CNTN4: variants seen among roughly 807,000 people sequenced by gnomAD.
The protein encoded by CNTN4 is contactin 4, also known as contactin-4.
A neutral mutation model predicts 122.5 loss-of-function variants in CNTN4; 77 were observed. The ratio of observed to expected loss-of-function variants is 0.63; its 90% CI spans 0.52 to 0.76. The LOEUF (loss-of-function observed/expected upper bound fraction) is 0.76, where lower values mean the gene tolerates loss of function less well. CNTN4 is among the 30% of genes least tolerant of loss of function. The probability of loss-of-function intolerance (pLI) is 0.00; values close to 1 mark genes in which losing one functional copy is unlikely to be tolerated. For synonymous variants in CNTN4, 512 were observed against 447.0 expected (o/e 1.15, Z -1.83); for missense variants, 1,256 against 1,259.1 (o/e 1.00, Z 0.04).
intron 3 of CNTN4, among the ~76,000 whole-genome samples, chr3:2,527,427 CTGCTGCTGTTGCTGTTATTGT>C (rs1198482760): frequency 6.6e-6 from 1 of 152,134 alleles, no homozygotes; most frequent in Non-Finnish European, 1.5e-5. Context: ...GCTGCTGCTG[CTGCTGCTGTTGCTGTTATTGT>C]TGCTGCGGTT....
chr3:2,260,736 T>A (rs1440042061), intron 2 of CNTN4, among the ~76,000 whole-genome samples: 7 of 150,812 alleles, frequency 4.6e-5, no homozygotes, highest in African/African-American at 1.2e-4. Flanking sequence ...TTATTTATTT[T>A]TTTTTTGAGA....
At chr3:2,912,572 A>G (rs2094312490) in intron 12 of CNTN4, among the ~76,000 whole-genome samples, 2 of 152,208 alleles carry the variant, frequency 1.3e-5, no homozygotes, top group Admixed American at 6.5e-5. Context: ...CACTTTTATA[A>G]AAATCTGGTA....
chr3:2,776,485 G>A (rs2091323107), intron 6 of CNTN4, among the ~76,000 whole-genome samples: 1 of 152,106 alleles, frequency 6.6e-6, no homozygotes, highest in Non-Finnish European at 1.5e-5. Flanking sequence ...CAGAAAGTCA[G>A]TAATTAAGAG....
intron 2 of CNTN4, among the ~76,000 whole-genome samples, chr3:2,168,538 G>C (rs188690942): frequency 1.3e-3 from 198 of 152,002 alleles, no homozygotes; most frequent in Non-Finnish European, 2.3e-3. Flanking sequence ...CATTTAACTC[G>C]AGAGGCTAGA....
chr3:2,413,961 C>G lies in CNTN4; in HGVS notation c.-89+74728C>G, dbSNP rs371503636. 6.6e-5 allele frequency among the ~76,000 whole-genome samples: 10 copies of G among 152,144 alleles called. No individual in the cohort carries two copies. The East Asian group carries it at 1.5e-3, about 23-fold the overall frequency. On this transcript the variant is annotated intron_variant, in intron 3 of 24. Transcript: ENST00000418658. ...TTGGTGCCAACAACTCAGTATTTAG[C>G]CTAATCCCTATTTCAGAATCCAGAG...
chr3:2,544,478 C>A (rs1469176015), intron 3 of CNTN4, among the ~76,000 whole-genome samples: 1 of 151,890 alleles, frequency 6.6e-6, no homozygotes, highest in East Asian at 1.9e-4. Context: ...TGATGGGATA[C>A]AAAAAATGTG....
chr3:2,282,543 A>T (rs1286201875), intron 2 of CNTN4, among the ~76,000 whole-genome samples: 2 of 152,096 alleles, frequency 1.3e-5, no homozygotes, highest in Non-Finnish European at 2.9e-5. Context: ...GATAATAATG[A>T]CTGACCCAAG....
intron 4 of CNTN4, among the ~76,000 whole-genome samples, chr3:2,613,467 A>ACAAAAAAC: frequency 6.6e-6 from 1 of 152,114 alleles, no homozygotes; most frequent in Non-Finnish European, 1.5e-5. Flanking sequence ...GAGATTAAAT[A>ACAAAAAAC]TTGATTAGGT....
At chr3:2,197,145 G>A (rs1340481997) in intron 2 of CNTN4, among the ~76,000 whole-genome samples, 4 of 151,638 alleles carry the variant, frequency 2.6e-5, no homozygotes, top group East Asian at 1.9e-4. Context: ...AAGTTATAGC[G>A]ACTATTAAGG....
chr3:2,563,981 T>A (rs1176223443), intron 3 of CNTN4, among the ~76,000 whole-genome samples: 3 of 152,168 alleles, frequency 2.0e-5, no homozygotes, highest in Non-Finnish European at 4.4e-5. Context: ...AATTATGTGC[T>A]ATAACTAAGT....
chr3:2,689,880 T>C (rs2085635966), intron 4 of CNTN4, among the ~76,000 whole-genome samples: 1 of 152,120 alleles, frequency 6.6e-6, no homozygotes, highest in South Asian at 2.1e-4. Context: ...GTTTCACATA[T>C]ATTCTTTATG....
At chr3:2,234,360 A>G (rs1404063408) in intron 2 of CNTN4, among the ~76,000 whole-genome samples, 12 of 115,264 alleles carry the variant, frequency 1.0e-4, no homozygotes, top group Non-Finnish European at 1.9e-4. Context: ...CCGGGGCAAC[A>G]AGTCCATCTC....
intron 2 of CNTN4, among the ~76,000 whole-genome samples, chr3:2,195,237 C>G (rs908411087): frequency 6.6e-6 from 1 of 152,206 alleles, no homozygotes; most frequent in Non-Finnish European, 1.5e-5. Context: ...TCCATGTTGT[C>G]AGAAATGACA....
intron 2 of CNTN4, among the ~76,000 whole-genome samples, chr3:2,196,640 A>G (rs2037846413): frequency 6.6e-6 from 1 of 152,150 alleles, no homozygotes; most frequent in Non-Finnish European, 1.5e-5. Flanking sequence ...AGAAATATAG[A>G]CAAGGGATCT....
intron 13 of CNTN4, among the ~76,000 whole-genome samples, chr3:2,931,375 G>A (rs995471606): frequency 5.9e-5 from 9 of 152,088 alleles, no homozygotes; most frequent in Non-Finnish European, 1.0e-4. Context: ...ACCACTTGCC[G>A]CAGTAGTAAA....
intron 2 of CNTN4, among the ~76,000 whole-genome samples, chr3:2,225,505 C>T (rs931938610): frequency 3.3e-5 from 5 of 152,094 alleles, no homozygotes; most frequent in Non-Finnish European, 4.4e-5. Flanking sequence ...AGAGCTGAGA[C>T]TCCATTTCAA....
At chr3:2,281,242 A>G (rs2041703689) in intron 2 of CNTN4, among the ~76,000 whole-genome samples, 1 of 152,272 alleles carries the variant, frequency 6.6e-6, no homozygotes, top group East Asian at 1.9e-4. Flanking sequence ...ATCTGAAGTC[A>G]GACAGCATTG....
At chr3:2,752,828 A>T (rs2090160064) in intron 6 of CNTN4, among the ~76,000 whole-genome samples, 1 of 152,178 alleles carries the variant, frequency 6.6e-6, no homozygotes, top group Non-Finnish European at 1.5e-5. Context: ...TTACTAAATA[A>T]GACCAACTTA....
At chr3:2,232,578 G>A (rs950892290) in intron 2 of CNTN4, among the ~76,000 whole-genome samples, 1 of 152,036 alleles carries the variant, frequency 6.6e-6, no homozygotes, top group Non-Finnish European at 1.5e-5. Context: ...CTAAAAATTG[G>A]TATGCTGTTT....
Sources: allele counts gnomAD v4.1 joint callset (sites outside exome capture counted in the v4.1 genomes callset), GRCh38; gene constraint gnomAD v4.1.1; transcripts MANE v1.5; gene names NCBI Gene and HGNC (gene_info 2026-07-23, HGNC 2026-07-21).